Variants in USP9X observed in about 807,000 individuals in gnomAD.
USP9X encodes ubiquitin carboxyl-terminal hydrolase 9X.
Under a neutral mutation model 190.3 loss-of-function variants are expected in USP9X, and 7 were observed. The ratio of observed to expected loss-of-function variants is 0.04; its 90% CI spans 0.02 to 0.07. The LOEUF (loss-of-function observed/expected upper bound fraction) is 0.07, where lower values mean the gene tolerates loss of function less well. USP9X is among the 10% of genes least tolerant of loss of function. The pLI is 1.00. For missense variants in USP9X, 1,010 were observed against 1,916.9 expected, an observed-to-expected ratio of 0.53 and a Z score of 8.83; for synonymous variants, 645 against 659.5, an observed-to-expected ratio of 0.98 and a Z score of 0.34.
intron 23 of USP9X, among the ~76,000 whole-genome samples, 195 bp from the exon 24 acceptor site, chrX:41,186,322 G>A (rs1467700367): frequency 1.8e-5 from 2 of 111,536 alleles, no homozygotes; most frequent in South Asian, 3.7e-4. Context: ...TTGCAGACAC[G>A]TGGCACTACA....
chrX:41,173,562 A>G (rs2062747048), intron 21 of USP9X, among the ~76,000 whole-genome samples: 1 of 111,994 alleles, frequency 8.9e-6, no homozygotes, highest in Non-Finnish European at 1.9e-5. Context: ...AAACAAGGAT[A>G]TTTGTCTGTA....
At chrX:41,099,647 A>G (rs1288007402) in intron 1 of USP9X, among the ~76,000 whole-genome samples, 2 of 111,916 alleles carry the variant, frequency 1.8e-5, no homozygotes, top group Non-Finnish European at 3.8e-5. Flanking sequence ...GGCTAATAAC[A>G]TCTTGTGTAG....
Position 41,234,048 on chromosome X carries a change from T to TC in USP9X, c.*1524_*1525insC, listed in dbSNP as rs886355070. On this transcript the variant is annotated 3_prime_UTR_variant, in exon 45 of 45. Coordinates refer to ENST00000378308, the MANE Select transcript of USP9X (RefSeq NM_001039591.3). ...TTTTTTGGTTACTTTTTTTGTCCTT[T>TC]TTTTTTTTTTTTAAAAGAGGACTGC... 3 of 108,046 alleles carry TC rather than the reference T, an allele frequency of 2.8e-5. No individual in the cohort carries two copies. The highest frequency in any genetic ancestry group is 1.0e-4 in the African/African-American group (3 of 29,784). The allele number at this position is 108,046 out of a possible 1,213,427, so 8.9% of individuals were successfully genotyped here.
chrX:41,176,786 T>C (rs190524568), intron 21 of USP9X, among the ~76,000 whole-genome samples: 3 of 112,338 alleles, frequency 2.7e-5, no homozygotes, highest in Admixed American at 9.4e-5. Flanking sequence ...TTCTGCATTA[T>C]ACTGACATCA....
intron 31 of USP9X, 74 bp from the exon 32 acceptor site, chrX:41,205,228 TC>T: frequency 1.2e-6 from 1 of 800,736 alleles, no homozygotes; most frequent in Non-Finnish European, 1.7e-6. Flanking sequence ...AATCATTTGT[TC>T]AATAACTGCT....
At chrX:41,158,346 TC>T (rs1274291135) in intron 14 of USP9X, among the ~76,000 whole-genome samples, 1 of 111,404 alleles carries the variant, frequency 9.0e-6, no homozygotes, top group Non-Finnish European at 1.9e-5. Flanking sequence ...AAACGAGTCT[TC>T]CTGCACAAGG....
chrX:41,147,425 ATCT>A (rs1258052130), intron 11 of USP9X, among the ~76,000 whole-genome samples: 1 of 103,378 alleles, frequency 9.7e-6, no homozygotes, highest in Non-Finnish European at 2.0e-5. Flanking sequence ...CATTGAACTA[ATCT>A]TCTCTCATTA....
chrX:41,216,976 C>T (rs778628482), intron 35 of USP9X, among the ~76,000 whole-genome samples: 25 of 110,958 alleles, frequency 2.3e-4, no homozygotes, highest in Non-Finnish European at 4.2e-4. Flanking sequence ...GCAGGAGAAT[C>T]GCTTGAACCT....
chrX:41,101,900 T>C lies in USP9X; in HGVS notation c.-159+15791T>C, dbSNP rs1451149193. 5.4e-5 allele frequency among the ~76,000 whole-genome samples: 6 copies of C among 112,003 alleles called. No individual in the cohort carries two copies. The Admixed American group carries it at 5.7e-4, about 11-fold the overall frequency. Reference sequence around the variant, plus strand: ...ACTTGGATGAACTTTGAAAATGTTATGCTTAAGTGAAATAAACCAGTCACA... The same window carrying C: ...ACTTGGATGAACTTTGAAAATGTTACGCTTAAGTGAAATAAACCAGTCACA... On this transcript the variant is annotated intron_variant, in intron 1 of 44. Transcript: ENST00000378308.
At chrX:41,157,608 T>TCTGTTTCCCATAGTCATAGCC (rs2062590732) in intron 14 of USP9X, among the ~76,000 whole-genome samples, 1 of 111,523 alleles carries the variant, frequency 9.0e-6, no homozygotes, top group Non-Finnish European at 1.9e-5. Context: ...TAGTCATATT[T>TCTGTTTCCCATAGTCATAGCC]CTGTTTCCCA....
intron 15 of USP9X, among the ~76,000 whole-genome samples, chrX:41,164,826 C>A (rs945255674): frequency 8.9e-6 from 1 of 111,772 alleles, no homozygotes; most frequent in Non-Finnish European, 1.9e-5. Context: ...CCTATTAGAC[C>A]GGTAGTTTTT....
chrX:41,125,277 T>C (rs111295136), intron 2 of USP9X, among the ~76,000 whole-genome samples: 1,714 of 109,869 alleles, frequency 0.016, 39 homozygotes, highest in African/African-American at 0.054. Flanking sequence ...GATTTCACCA[T>C]GTTGGTCAGG....
intron 1 of USP9X, among the ~76,000 whole-genome samples, chrX:41,115,237 AAAAAG>A (rs2062139350): frequency 1.5e-5 from 1 of 68,469 alleles, no homozygotes. Context: ...AAAAAAAAAG[AAAAAG>A]AAAAAAAAAA....
intron 12 of USP9X, among the ~76,000 whole-genome samples, chrX:41,150,253 G>T (rs776045772): frequency 1.8e-5 from 2 of 111,366 alleles, no homozygotes; most frequent in Non-Finnish European, 3.8e-5. Context: ...CAAACTTGCA[G>T]TTCTGATTAC....
chrX:41,129,172 A>G, intron 3 of USP9X, 27 bp downstream of exon 3: 1 of 1,194,816 alleles, frequency 8.4e-7, no homozygotes, highest in Non-Finnish European at 1.1e-6. Flanking sequence ...CACCCAAGAA[A>G]GAGAGCAGAC....
intron 14 of USP9X, among the ~76,000 whole-genome samples, chrX:41,155,742 T>C (rs1475710022): frequency 8.9e-6 from 1 of 112,132 alleles, no homozygotes; most frequent in Non-Finnish European, 1.9e-5. Flanking sequence ...CTGTGTGACT[T>C]CTCTGTGGTT....
intron 1 of USP9X, among the ~76,000 whole-genome samples, chrX:41,121,574 G>A (rs1183511427): frequency 2.7e-5 from 3 of 111,654 alleles, no homozygotes; most frequent in Non-Finnish European, 5.6e-5. Context: ...AATGTCTTAA[G>A]CCAGGTCATA....
intron 23 of USP9X, among the ~76,000 whole-genome samples, chrX:41,185,362 G>A (rs2062864473): frequency 9.0e-6 from 1 of 111,371 alleles, no homozygotes; most frequent in African/African-American, 3.3e-5. Flanking sequence ...TGTTTAAAAG[G>A]AAGAGCCCCC....
chrX:41,098,456 A>G (rs2062009243), intron 1 of USP9X, among the ~76,000 whole-genome samples: 1 of 106,230 alleles, frequency 9.4e-6, no homozygotes, highest in South Asian at 4.0e-4. Context: ...CTGTCTTTTA[A>G]TGAATGTTAT....
Sources: gnomAD v4.1 joint callset for allele counts (sites outside exome capture counted in the v4.1 genomes callset) on GRCh38, gnomAD v4.1.1 for gene constraint, MANE v1.5 for transcripts, NCBI Gene and HGNC (gene_info 2026-07-23, HGNC 2026-07-21) for gene names.